The following GORASP1 variants were observed in gnomAD, a reference collection of about 807,000 sequenced individuals.
GORASP1 encodes the protein golgi reassembly stacking protein 1.
GORASP1 carries 31 observed loss-of-function variants against 37.7 expected under a neutral mutation model. The ratio of observed to expected loss-of-function variants is 0.82; its 90% CI spans 0.62 to 1.11. The LOEUF is 1.11. GORASP1 is among the 50% of genes least tolerant of loss of function. The pLI, the probability that GORASP1 is intolerant of heterozygous loss-of-function variation, is 0.00. For missense variants in GORASP1, 476 were observed against 560.7 expected (o/e 0.85, Z 1.53); for synonymous variants, 204 against 224.8 (o/e 0.91, Z 0.83).
Position 39,098,726 on chromosome 3 carries a change from G to A in GORASP1, c.1069+15C>T. 1 of 1,612,968 alleles carries A rather than the reference G, an allele frequency of 6.2e-7. No individual in the cohort carries two copies. The highest frequency in any genetic ancestry group is 8.5e-7 in the Non-Finnish European group (1 of 1,179,332). ...GGTCCTTCCCAGAGGACTTCGGAAGGTGATGGCCACTCACCACCCCGCTCA... is the reference window on the plus strand; with the variant it reads ...GGTCCTTCCCAGAGGACTTCGGAAGATGATGGCCACTCACCACCCCGCTCA... On this transcript the variant is annotated intron_variant, in intron 8 of 8. Transcript: ENST00000319283. The surrounding 1 kb of genome is among the most constrained non-coding windows in gnomAD (Gnocchi z 4.7).
Position 39,102,930 on chromosome 3 carries a change from G to A in GORASP1, c.145-49C>T. 1.3e-6 allele frequency: 2 copies of A among 1,565,310 alleles called. No homozygotes were observed. The highest frequency in any genetic ancestry group is 1.8e-6 in the Non-Finnish European group (2 of 1,135,510). On this transcript the variant is annotated intron_variant, in intron 2 of 8. Coordinates refer to ENST00000319283, the MANE Select transcript of GORASP1 (RefSeq NM_031899.4). This position sits in a 1 kb window ranked among gnomAD's most constrained non-coding sequence, Gnocchi z 5.0. ...CCAAGGCCACCTCATGCCCAGGCTA[G>A]GACCCTCAGACAAGTCTGGGCCTGA...
Position 39,106,559 on chromosome 3 carries a change from A to G in GORASP1, c.63+920T>C, listed in dbSNP as rs181423229. Among the ~76,000 whole-genome samples the G allele has an allele frequency of 5.3e-5, 8 of 152,298 alleles. No homozygotes were observed. In the East Asian group the frequency reaches 1.3e-3, roughly 26 times the overall value. On this transcript the variant is annotated intron_variant, in intron 1 of 8. Coordinates refer to ENST00000319283, the MANE Select transcript of GORASP1 (RefSeq NM_031899.4). ...CCCTCTCATGTGGTTAGCTGGCAACAGACCCTACCTTCAAAACACACAAAC... is the reference window on the plus strand; with the variant it reads ...CCCTCTCATGTGGTTAGCTGGCAACGGACCCTACCTTCAAAACACACAAAC...
rs1316569051 is a variant in GORASP1 at position 39,100,025 on chromosome 3, C to T, written c.765+280G>A. Among the ~76,000 whole-genome samples the T allele has an allele frequency of 6.6e-6, 1 of 152,238 alleles. No homozygotes were observed. Among genetic ancestry groups the T allele is most frequent in the Admixed American group, 6.5e-5 (1 of 15,288 alleles). ...CCCTTTGTCCAGTTTTGCCACAACT[C>T]ACAGGCACAGCAAGCACCCATCTCT... On this transcript the variant is annotated intron_variant, in intron 6 of 8. Coordinates refer to ENST00000319283, the MANE Select transcript of GORASP1 (RefSeq NM_031899.4). The surrounding 1 kb of genome is among the most constrained non-coding windows in gnomAD (Gnocchi z 4.6).
In GORASP1 at chr3:39,099,417, T is replaced by G; in HGVS notation, c.852A>C (p.Gly284=). Residue 284 remains glycine (G), a synonymous_variant, in exon 7 of 9, where the codon GGA becomes GGC. Coordinates refer to ENST00000319283, the MANE Select transcript of GORASP1 (RefSeq NM_031899.4). The part of the protein sequence containing the change: ...SPSHSAPDPD[G]LPHFMETPLQ... ...GAGGAGTCTCCATGAAATGGGGAAG[T>G]CCATCAGGGTCTGGAGCACTGTGGC... The G allele has an allele frequency of 6.2e-7, 1 of 1,612,864 alleles. No homozygotes were observed. The highest frequency in any genetic ancestry group is 8.5e-7 in the Non-Finnish European group (1 of 1,179,528).
At chr3:39,107,003 A>G in intron 1 of GORASP1, 1 of 453,372 alleles carries the variant, frequency 2.2e-6, no homozygotes, top group South Asian at 1.6e-5. Context: ...GACTGGCAGG[A>G]CGCGCGCCGA....
intron 1 of GORASP1, among the ~76,000 whole-genome samples, chr3:39,106,333 C>A (rs926671779): frequency 6.6e-6 from 1 of 152,118 alleles, no homozygotes; most frequent in African/African-American, 2.4e-5. Context: ...CTCCCATCAT[C>A]GCCCCACCCC....
chr3:39,100,210 G>C lies in GORASP1; in HGVS notation c.765+95C>G, dbSNP rs1358023432. On this transcript the variant is annotated intron_variant, in intron 6 of 8. Coordinates refer to ENST00000319283, the MANE Select transcript of GORASP1 (RefSeq NM_031899.4). The surrounding 1 kb of genome is among the most constrained non-coding windows in gnomAD (Gnocchi z 4.6). Reference sequence around the variant, plus strand: ...GTCCCAGAAGTACATGGGCCTCTCAGATCACAAAGGCCCCTGGTGAGGGTT... The same window carrying C: ...GTCCCAGAAGTACATGGGCCTCTCACATCACAAAGGCCCCTGGTGAGGGTT... 1.1e-5 allele frequency: 12 copies of C among 1,117,408 alleles called. No individual in the cohort carries two copies. Among genetic ancestry groups the C allele is most frequent in the Non-Finnish European group, 1.6e-5 (12 of 740,804 alleles). 69.2% of individuals were successfully genotyped at this position (1,117,408 alleles called of 1,614,324 possible).
At position 39,103,417 on chromosome 3, in the gene GORASP1, T is replaced by G. The variant is rs2035844165; in HGVS notation, c.144+56A>C. On this transcript the variant is annotated intron_variant, in intron 2 of 8. Coordinates refer to ENST00000319283, the MANE Select transcript of GORASP1 (RefSeq NM_031899.4). The surrounding 1 kb of genome is among the most constrained non-coding windows in gnomAD (Gnocchi z 5.2). ...AGACTGGGGCCCCCTGTGGGACAGA[T>G]GAAGACACACAAACACACATAAGCA... is the stretch of plus-strand genomic sequence containing the variant. The G allele has an allele frequency of 4.8e-6, 7 of 1,447,964 alleles. No individual in the cohort carries two copies. The highest frequency in any genetic ancestry group is 1.2e-5 in the South Asian group (1 of 81,030). 89.7% of individuals were successfully genotyped at this position (1,447,964 alleles called of 1,614,324 possible).
rs778090869 is a variant in GORASP1, at chr3:39,099,476, T to C, written c.793A>G (p.Met265Val). ...CCAGGCCCAGGAAGGGGATCCTCCA[T>C]GGAGGAGCCAGGTGCCTGCAGCAGG... The part of the protein sequence containing the change: ...EALLQAPGSS[M>V]EDPLPGPGSP... Residue 265 changes from methionine to valine, a missense_variant, in exon 7 of 9, where the codon ATG becomes GTG. By Grantham distance (21) the Met-to-Val change is conservative. Coordinates refer to ENST00000319283, the MANE Select transcript of GORASP1 (RefSeq NM_031899.4). 1.9e-6 allele frequency: 3 copies of C among 1,611,174 alleles called. No individual in the cohort carries two copies. Among genetic ancestry groups the C allele is most frequent in the South Asian group, 2.2e-5 (2 of 90,394 alleles).
rs1313916642 is a variant in GORASP1, at chr3:39,098,704, C to T, written c.1069+37G>A. 2 of 1,605,014 alleles carry T rather than the reference C, an allele frequency of 1.2e-6. No individual in the cohort carries two copies. Among genetic ancestry groups the T allele is most frequent in the Non-Finnish European group, 1.7e-6 (2 of 1,175,164 alleles). ...GGCAGCCTTCCCAACAACCCGGGGT[C>T]CTTCCCAGAGGACTTCGGAAGGTGA... On this transcript the variant is annotated intron_variant, in intron 8 of 8. Transcript: ENST00000319283. This position sits in a 1 kb window ranked among gnomAD's most constrained non-coding sequence, Gnocchi z 4.7.
At position 39,103,577 on chromosome 3, in the gene GORASP1, T is replaced by C. The variant is rs759648229; in HGVS notation, c.64-24A>G. On this transcript the variant is annotated intron_variant, in intron 1 of 8. Coordinates refer to ENST00000319283, the MANE Select transcript of GORASP1 (RefSeq NM_031899.4). The surrounding 1 kb of genome is among the most constrained non-coding windows in gnomAD (Gnocchi z 5.2). ...ACCTATCCCACAGCAAAGACCACAG[T>C]CACTGCGCCAACCCTGGGACTCTCC... The C allele has an allele frequency of 1.9e-6, 3 of 1,593,842 alleles. No homozygotes were observed. In the South Asian group the frequency reaches 3.4e-5, roughly 18 times the overall value.
Position 39,105,641 on chromosome 3 carries a change from G to A in GORASP1, c.63+1838C>T, listed in dbSNP as rs2035992546. ...GCGACTTCTCCAAAGTATTGGGCACGCAGCGAGGTGCCAATATTTCTAGAA... is the reference window on the plus strand; with the variant it reads ...GCGACTTCTCCAAAGTATTGGGCACACAGCGAGGTGCCAATATTTCTAGAA... On this transcript the variant is annotated intron_variant, in intron 1 of 8. Coordinates refer to ENST00000319283, the MANE Select transcript of GORASP1 (RefSeq NM_031899.4). The surrounding 1 kb of genome is among the most constrained non-coding windows in gnomAD (Gnocchi z 5.4). Among the ~76,000 whole-genome samples, 3 of 152,162 alleles carry A rather than the reference G, an allele frequency of 2.0e-5. No homozygotes were observed. The highest frequency in any genetic ancestry group is 2.1e-4 in the South Asian group (1 of 4,830).
At position 39,102,788 on chromosome 3, in the gene GORASP1, G is replaced by T. The variant is rs765374049; in HGVS notation, c.238C>A (p.Arg80Ser). The stretch of plus-strand genomic sequence containing the variant: ...TTGCTGGGCACCACCTCCACCTCGC[G>T]CACCCTCATGGTCTTCATATTGAAC... ...EVFNMKTMRV[R>S]EVEVVPSNMW... is the part of the protein sequence containing the mutation. Residue 80 changes from arginine (R) to serine (S), a missense_variant, in exon 3 of 9, where the codon CGC (arginine) becomes AGC (serine). By Grantham distance (110) the Arg-to-Ser change is moderately radical. Transcript: ENST00000319283. This position sits in a 1 kb window ranked among gnomAD's most constrained non-coding sequence, Gnocchi z 5.0. The T allele has an allele frequency of 6.2e-7, 1 of 1,614,176 alleles. No homozygotes were observed. Among genetic ancestry groups the T allele is most frequent in the Non-Finnish European group, 8.5e-7 (1 of 1,180,038 alleles).
At chr3:39,101,880 A>G (rs1349401885) in intron 3 of GORASP1, among the ~76,000 whole-genome samples, 1 of 152,200 alleles carries the variant, frequency 6.6e-6, no homozygotes, top group African/African-American at 2.4e-5. Flanking sequence ...GATACCATCA[A>G]TGGGCACAGG....
In GORASP1 at chr3:39,098,971, T is replaced by G; in HGVS notation, c.917-78A>C. ...AGCAGCACCCTGGGCTCACCTTGCC[T>G]AGGGCATCTGGCCCAGCCTGTGAGA... is the stretch of plus-strand genomic sequence containing the variant. On this transcript the variant is annotated intron_variant, in intron 7 of 8. Coordinates refer to ENST00000319283, the MANE Select transcript of GORASP1 (RefSeq NM_031899.4). This position sits in a 1 kb window ranked among gnomAD's most constrained non-coding sequence, Gnocchi z 4.7. 1 of 1,558,346 alleles carries G rather than the reference T, an allele frequency of 6.4e-7. No individual in the cohort carries two copies. The highest frequency in any genetic ancestry group is 8.8e-7 in the Non-Finnish European group (1 of 1,141,440).
chr3:39,106,346 C>T (rs1201169842), intron 1 of GORASP1, among the ~76,000 whole-genome samples: 1 of 152,180 alleles, frequency 6.6e-6, no homozygotes, highest in African/African-American at 2.4e-5. Context: ...CCCACCCCTC[C>T]TCTTGCCAAT....
intron 3 of GORASP1, 89 bp from the exon 4 acceptor site, chr3:39,101,191 G>GT: frequency 8.8e-7 from 1 of 1,130,706 alleles, no homozygotes; most frequent in Non-Finnish European, 1.3e-6. Flanking sequence ...TCTTGAGGTA[G>GT]TGAGTGGGAC....
rs372150062 is a variant in GORASP1, at chr3:39,100,707, C to T, written c.566+40G>A. ...AGGTCCATGCCCAATGGTCAGGCCC[C>T]ACCCACCTGGCCCTGCAGCCCTCCA... On this transcript the variant is annotated intron_variant, in intron 5 of 8. Transcript: ENST00000319283. This position sits in a 1 kb window ranked among gnomAD's most constrained non-coding sequence, Gnocchi z 4.6. The T allele has an allele frequency of 1.0e-5, 16 of 1,607,624 alleles. No individual in the cohort carries two copies. The African/African-American group carries it at 1.7e-4, about 17-fold the overall frequency.
rs1325436936 is a variant in GORASP1 at position 39,100,282 on chromosome 3, G to T, written c.765+23C>A. On this transcript the variant is annotated intron_variant, in intron 6 of 8. Transcript: ENST00000319283. This position sits in a 1 kb window ranked among gnomAD's most constrained non-coding sequence, Gnocchi z 4.6. ...GCCTCTAGAGTTTTCTGTCTTCCCA[G>T]TTGGCAGATTCTCCCCACATACCTC... The T allele has an allele frequency of 1.9e-6, 3 of 1,608,370 alleles. No homozygotes were observed. In the South Asian group the frequency reaches 3.3e-5, roughly 18 times the overall value.
Sources: allele counts gnomAD v4.1 joint callset (sites outside exome capture counted in the v4.1 genomes callset), GRCh38; gene constraint gnomAD v4.1.1; non-coding constraint Gnocchi (gnomAD v3.1); transcripts MANE v1.5; gene names NCBI Gene and HGNC (gene_info 2026-07-23, HGNC 2026-07-21).